The following DNAH8 variants were observed in gnomAD, a reference collection of about 807,000 sequenced individuals.
DNAH8 encodes axonemal beta dynein heavy chain 8.
A neutral mutation model predicts 562.1 loss-of-function variants in DNAH8; 382 were observed. The observed-to-expected ratio is 0.68, with a 90% CI of 0.63 to 0.74. DNAH8 has a LOEUF of 0.74. Among genes scored for constraint, DNAH8 ranks in the 30% least tolerant of loss-of-function variants. The probability of loss-of-function intolerance (pLI) is 0.00; values close to 1 mark genes in which losing one functional copy is unlikely to be tolerated. For missense variants in DNAH8, 5,203 were observed against 5,620.4 expected, an observed-to-expected ratio of 0.93 and a Z score of 2.37; for synonymous variants, 1,881 against 1,919.4, an observed-to-expected ratio of 0.98 and a Z score of 0.52.
Position 39,030,304 on chromosome 6 carries a change from C to T in DNAH8, c.14036C>T (p.Thr4679Ile). 1 of 1,614,138 alleles carries T rather than the reference C, an allele frequency of 6.2e-7. No homozygotes were observed. The highest frequency in any genetic ancestry group is 2.2e-5 in the East Asian group (1 of 44,882). Residue 4679 changes from threonine to isoleucine, a missense_variant, in exon 93 of 93, where the codon ACC becomes ATC. Thr to Ile is a moderately conservative substitution (Grantham distance 89). This residue lies in a region of DNAH8 where 1,399 missense variants were observed against 1,518.4 expected (regional missense o/e 0.92). Transcript: ENST00000327475. ...AAGAAACCCAGGCGAACTGATTTGACCTTCATCACTGTGGTATATTTACGA... is the reference window on the plus strand; with the variant it reads ...AAGAAACCCAGGCGAACTGATTTGATCTTCATCACTGTGGTATATTTACGA... ...IYKKPRRTDL[T>I]FITVVYLRTV... is the part of the protein sequence containing the mutation.
chr6:38,828,580 A>G (rs1373725309), intron 30 of DNAH8, among the ~76,000 whole-genome samples: 1 of 152,222 alleles, frequency 6.6e-6, no homozygotes, highest in African/African-American at 2.4e-5. Context: ...AGGCCATACC[A>G]TATAGCCTAG....
At position 38,832,377 on chromosome 6, in the gene DNAH8, T is replaced by C. The variant is rs1367556893; in HGVS notation, c.4244T>C (p.Leu1415Pro). The C allele has an allele frequency of 6.2e-7, 1 of 1,613,998 alleles. No individual in the cohort carries two copies. The highest frequency in any genetic ancestry group is 1.1e-5 in the South Asian group (1 of 91,068). The change falls in exon 31 of 93, where the codon CTT becomes CCT. Residue 1415 changes from leucine (L) to proline (P), a missense_variant. By Grantham distance (98) the Leu-to-Pro change is moderately conservative. Coordinates refer to ENST00000327475, the MANE Select transcript of DNAH8 (RefSeq NM_001206927.2). ...CAGCCAAAGTTTAAAAGCAATCTAC[T>C]TGAGTCTGTGGAAGTTTTTCGTGAG... ...QVQPKFKSNLLESVEVFREDV... is the reference protein window; with the variant it reads ...QVQPKFKSNLPESVEVFREDV...
intron 30 of DNAH8, among the ~76,000 whole-genome samples, chr6:38,831,055 G>A (rs1190574128): frequency 6.6e-6 from 1 of 152,088 alleles, no homozygotes; most frequent in East Asian, 1.9e-4. Context: ...TTAGTCAGAG[G>A]AGCGAGTCTT....
At chr6:38,836,029 T>G (rs1774253993) in intron 32 of DNAH8, among the ~76,000 whole-genome samples, 2 of 152,064 alleles carry the variant, frequency 1.3e-5, no homozygotes. Context: ...GGATGGATCA[T>G]GAATTTATTA....
intron 82 of DNAH8, 141 bp downstream of exon 82, chr6:38,951,661 C>A: frequency 1.4e-6 from 1 of 719,792 alleles, no homozygotes; most frequent in Non-Finnish European, 2.4e-6. Flanking sequence ...CCTCTTTCAT[C>A]CTTTCATACC....
At chr6:38,938,336 A>T in intron 78 of DNAH8, 110 bp downstream of exon 78, 2 of 1,278,532 alleles carry the variant, frequency 1.6e-6, no homozygotes, top group Non-Finnish European at 2.2e-6. Context: ...ACATGGAATC[A>T]ACCTAAATGC....
chr6:38,721,170 G>C (rs1762719694), intron 1 of DNAH8, among the ~76,000 whole-genome samples: 1 of 152,072 alleles, frequency 6.6e-6, no homozygotes, highest in Admixed American at 6.6e-5. Flanking sequence ...AAAAAAATTA[G>C]GCATGTATCG....
In DNAH8 at chr6:38,971,668, A is replaced by G. The variant is rs577132878; in HGVS notation, c.12525+3A>G. The G allele has an allele frequency of 2.5e-6, 4 of 1,595,650 alleles. No homozygotes were observed. The highest frequency in any genetic ancestry group is 3.4e-6 in the Non-Finnish European group (4 of 1,171,432). On this transcript the variant is annotated splice_donor_region_variant and intron_variant, in intron 83 of 92. Coordinates refer to ENST00000327475, the MANE Select transcript of DNAH8 (RefSeq NM_001206927.2). Reference sequence around the variant, plus strand: ...TGATTCAGATGTCAATGCAGCAGGTATGTGACAAGAGACTGCTCCTGCTGC... The same window carrying G: ...TGATTCAGATGTCAATGCAGCAGGTGTGTGACAAGAGACTGCTCCTGCTGC...
At chr6:38,989,129 T>C (rs1764605222) in intron 87 of DNAH8, among the ~76,000 whole-genome samples, 1 of 152,124 alleles carries the variant, frequency 6.6e-6, no homozygotes, top group African/African-American at 2.4e-5. Context: ...AGGAAGGAGA[T>C]GGAGGGAAGG....
intron 10 of DNAH8, 97 bp downstream of exon 10, chr6:38,756,176 C>A: frequency 1.3e-6 from 1 of 767,464 alleles, no homozygotes; most frequent in Non-Finnish European, 2.3e-6. Flanking sequence ...AGCCTAAGTG[C>A]CTCTCAGAGT....
intron 68 of DNAH8, among the ~76,000 whole-genome samples, chr6:38,916,665 G>A (rs6458085): frequency 0.51 from 77,620 of 152,020 alleles, 20,991 homozygotes; most frequent in African/African-American, 0.69. Context: ...TCACCGAACC[G>A]AAGGAGTCTT....
intron 8 of DNAH8, among the ~76,000 whole-genome samples, chr6:38,742,178 T>C (rs974809231): frequency 6.6e-5 from 10 of 152,256 alleles, no homozygotes; most frequent in Admixed American, 2.0e-4. Flanking sequence ...GAAATCAATA[T>C]AGGCTCACTG....
At position 38,887,397 on chromosome 6, in the gene DNAH8, C is replaced by T. The variant is rs145494557; in HGVS notation, c.8473+393C>T. 5.7e-3 allele frequency among the ~76,000 whole-genome samples: 864 copies of T among 152,240 alleles called. 3 individuals are homozygous for T. Among genetic ancestry groups the T allele is most frequent in the Middle Eastern group, 0.031 (9 of 294 alleles). On this transcript the variant is annotated intron_variant, in intron 57 of 92. Transcript: ENST00000327475. ...AGATTCTTGACATCAAATGTAACATCGAATCACATAAATTATGCCATCAAA... is the reference window on the plus strand; with the variant it reads ...AGATTCTTGACATCAAATGTAACATTGAATCACATAAATTATGCCATCAAA...
In DNAH8 at chr6:38,848,793, C is replaced by T; in HGVS notation, c.5191C>T (p.Leu1731=). The T allele has an allele frequency of 6.2e-7, 1 of 1,613,126 alleles. No individual in the cohort carries two copies. Among genetic ancestry groups the T allele is most frequent in the Non-Finnish European group, 8.5e-7 (1 of 1,179,382 alleles). ...VFVGGDIAKQ[L]PQEAKRFQNI... Reference sequence around the variant, plus strand: ...TGTAGGTGGAGATATTGCCAAACAGCTGCCTCAGGTAAATATGGCTTTTGT... The same window carrying T: ...TGTAGGTGGAGATATTGCCAAACAGTTGCCTCAGGTAAATATGGCTTTTGT... Residue 1731 remains leucine, a synonymous_variant, in exon 37 of 93, where the codon CTG becomes TTG. Coordinates refer to ENST00000327475, the MANE Select transcript of DNAH8 (RefSeq NM_001206927.2).
At chr6:38,960,904 T>C (rs1272017702) in intron 82 of DNAH8, among the ~76,000 whole-genome samples, 1 of 152,008 alleles carries the variant, frequency 6.6e-6, no homozygotes, top group Non-Finnish European at 1.5e-5. Flanking sequence ...TGCAGCACTA[T>C]TCATAAAAGC....
At chr6:38,851,908 G>T (rs914876223) in intron 39 of DNAH8, among the ~76,000 whole-genome samples, 1 of 152,122 alleles carries the variant, frequency 6.6e-6, no homozygotes, top group African/African-American at 2.4e-5. Flanking sequence ...ATCTTGGCAG[G>T]CTTCCTAATT....
At position 38,970,513 on chromosome 6, in the gene DNAH8, C is replaced by A. The variant is rs372879299; in HGVS notation, c.12452-1079C>A. Among the ~76,000 whole-genome samples, 69 of 152,296 alleles carry A rather than the reference C, an allele frequency of 4.5e-4. No homozygotes were observed. In the East Asian group the frequency reaches 8.9e-3, roughly 20 times the overall value. On this transcript the variant is annotated intron_variant, in intron 82 of 92. Transcript: ENST00000327475. ...CCTTCAGGCTCTCATTGCAAAGTGT[C>A]TCCCTGTGACCCTGAGCCCACGAAT...
Position 38,828,248 on chromosome 6 carries a change from A to T in DNAH8, c.4148A>T (p.Asp1383Val). The T allele has an allele frequency of 6.3e-7, 1 of 1,590,356 alleles. No homozygotes were observed. The highest frequency in any genetic ancestry group is 8.5e-7 in the Non-Finnish European group (1 of 1,170,338). ...ACCAAAGAAGAATCAGAAGCAGTTG[A>T]TACCTTAAGATATTCTTTCAACAAA... ...EVTKEESEAV[D>V]TLRYSFNKLQ... The change falls in exon 30 of 93, where the codon GAT (aspartate) becomes GTT (valine). Residue 1383 changes from aspartate to valine, a missense_variant. Coordinates refer to ENST00000327475, the MANE Select transcript of DNAH8 (RefSeq NM_001206927.2).
chr6:38,759,344 A>C (rs542995184), intron 10 of DNAH8, among the ~76,000 whole-genome samples: 41 of 151,970 alleles, frequency 2.7e-4, no homozygotes, highest in African/African-American at 9.2e-4. Context: ...CAAACAAACC[A>C]CCACCAACGA....
Sources: allele counts gnomAD v4.1 joint callset (sites outside exome capture counted in the v4.1 genomes callset), GRCh38; gene constraint gnomAD v4.1.1; regional missense constraint gnomAD v4.1.1; transcripts MANE v1.5; gene names NCBI Gene and HGNC (gene_info 2026-07-23, HGNC 2026-07-21).